The following GNAQ variants were observed in gnomAD, a reference collection of about 807,000 sequenced individuals.
GNAQ encodes guanine nucleotide-binding protein G(q) subunit alpha.
In GNAQ, 8 loss-of-function variants were observed where a neutral mutation model predicts 43.9. The observed-to-expected ratio is 0.18, with a 90% CI of 0.11 to 0.33. The LOEUF (loss-of-function observed/expected upper bound fraction) is 0.33. Among genes scored for constraint, GNAQ ranks in the 10% least tolerant of loss-of-function variants. The probability of loss-of-function intolerance (pLI) is 1.00; values close to 1 mark genes in which losing one functional copy is unlikely to be tolerated. For missense variants in GNAQ, 158 were observed against 450.8 expected (o/e 0.35, Z 5.88); for synonymous variants, 155 against 170.7 (o/e 0.91, Z 0.71).
chr9:78,018,377 G>A (rs935955677), intron 1 of GNAQ, among the ~76,000 whole-genome samples: 71 of 152,036 alleles, frequency 4.7e-4, no homozygotes, highest in African/African-American at 1.7e-3. Flanking sequence ...AAAGAGCATG[G>A]TTCTTAGTTT....
intron 1 of GNAQ, among the ~76,000 whole-genome samples, chr9:77,966,813 A>C (rs865811288): frequency 2.0e-5 from 3 of 152,198 alleles, no homozygotes; most frequent in Non-Finnish European, 4.4e-5. Flanking sequence ...GGACCTCTCC[A>C]TTCTTCAACA....
At chr9:78,021,405 T>C (rs1276733006) in intron 1 of GNAQ, among the ~76,000 whole-genome samples, 1 of 152,230 alleles carries the variant, frequency 6.6e-6, no homozygotes, top group African/African-American at 2.4e-5. Context: ...AGATATATTT[T>C]AAGGCAAAAA....
intron 2 of GNAQ, among the ~76,000 whole-genome samples, chr9:77,909,930 A>T (rs1269951090): frequency 1.3e-5 from 2 of 152,166 alleles, no homozygotes; most frequent in Non-Finnish European, 2.9e-5. Flanking sequence ...TCATTTTTTA[A>T]AGTGCATTTC....
intron 1 of GNAQ, among the ~76,000 whole-genome samples, chr9:77,998,604 G>C (rs1430208806): frequency 1.3e-5 from 2 of 152,158 alleles, no homozygotes; most frequent in African/African-American, 4.8e-5. Context: ...GATACATGTA[G>C]TTACTTAGAA....
At chr9:77,725,134 T>C (rs1825378560) in intron 6 of GNAQ, among the ~76,000 whole-genome samples, 1 of 152,080 alleles carries the variant, frequency 6.6e-6, no homozygotes, top group Non-Finnish European at 1.5e-5. Flanking sequence ...AGATCCAAGT[T>C]CACTGAAGTG....
At chr9:78,004,122 T>C (rs1401960105) in intron 1 of GNAQ, among the ~76,000 whole-genome samples, 1 of 151,912 alleles carries the variant, frequency 6.6e-6, no homozygotes, top group East Asian at 1.9e-4. Flanking sequence ...CTGAGGACTT[T>C]TCTCCAAGGT....
intron 5 of GNAQ, among the ~76,000 whole-genome samples, chr9:77,762,368 C>A (rs1826053363): frequency 7.1e-6 from 1 of 141,028 alleles, no homozygotes; most frequent in African/African-American, 2.7e-5. Flanking sequence ...CCGGCCGCCC[C>A]TACTGGGAAG....
At chr9:77,838,713 C>T (rs1452531871) in intron 2 of GNAQ, among the ~76,000 whole-genome samples, 2 of 151,998 alleles carry the variant, frequency 1.3e-5, no homozygotes, top group African/African-American at 4.8e-5. Context: ...CCACCGTGCC[C>T]GGCCACAAGA....
At chr9:77,892,762 T>C (rs1828425606) in intron 2 of GNAQ, among the ~76,000 whole-genome samples, 1 of 152,294 alleles carries the variant, frequency 6.6e-6, no homozygotes, top group African/African-American at 2.4e-5. Flanking sequence ...CAGATAAGAA[T>C]CTATGAGGAG....
At chr9:78,030,921 C>G (rs1033506598) in intron 1 of GNAQ, among the ~76,000 whole-genome samples, 179 bp downstream of exon 1, 692 of 117,282 alleles carry the variant, frequency 5.9e-3, no homozygotes, top group Non-Finnish European at 8.2e-3. Context: ...GTGTGTGTGT[C>G]TGTGTGTAAC....
chr9:77,835,068 A>C (rs78388953), intron 2 of GNAQ, among the ~76,000 whole-genome samples: 2,125 of 152,196 alleles, frequency 0.014, 51 homozygotes, highest in African/African-American at 0.048. Context: ...TTTCCTATAC[A>C]TACGTAACTG....
At chr9:77,788,358 A>G (rs758007030) in intron 5 of GNAQ, among the ~76,000 whole-genome samples, 4 of 152,220 alleles carry the variant, frequency 2.6e-5, no homozygotes, top group Non-Finnish European at 4.4e-5. Flanking sequence ...GTGTAGCAAC[A>G]TGAAAAAAAA....
At chr9:77,921,882 C>T (rs948810021) in intron 2 of GNAQ, among the ~76,000 whole-genome samples, 1 of 152,148 alleles carries the variant, frequency 6.6e-6, no homozygotes, top group African/African-American at 2.4e-5. Flanking sequence ...AAATTTTAAA[C>T]CTGAAAATAT....
intron 2 of GNAQ, among the ~76,000 whole-genome samples, chr9:77,896,903 TA>T (rs1320708029): frequency 1.3e-5 from 2 of 152,256 alleles, no homozygotes; most frequent in Non-Finnish European, 2.9e-5. Flanking sequence ...CTATTTGTCA[TA>T]AAAGAGGAAA....
intron 5 of GNAQ, among the ~76,000 whole-genome samples, chr9:77,732,614 C>T (rs1055570283): frequency 1.3e-5 from 2 of 152,152 alleles, no homozygotes; most frequent in Admixed American, 6.5e-5. Context: ...GATCTGCCTG[C>T]CTTGGCCTCC....
chr9:77,954,482 CA>C (rs1389727373), intron 1 of GNAQ, among the ~76,000 whole-genome samples: 1 of 152,184 alleles, frequency 6.6e-6, no homozygotes, highest in African/African-American at 2.4e-5. Flanking sequence ...CTTGATAAAA[CA>C]GGAGAACGAT....
intron 1 of GNAQ, among the ~76,000 whole-genome samples, chr9:78,028,889 T>C (rs753060986): frequency 1.3e-5 from 2 of 150,976 alleles, no homozygotes; most frequent in African/African-American, 2.4e-5. Flanking sequence ...ACAGAAATAG[T>C]GTAAGTATTG....
At chr9:77,889,447 A>AAAAAAAAAAAAAAT (rs1828366462) in intron 2 of GNAQ, among the ~76,000 whole-genome samples, 1 of 135,098 alleles carries the variant, frequency 7.4e-6, no homozygotes, top group Non-Finnish European at 1.6e-5. Flanking sequence ...AAAAAAAAAA[A>AAAAAAAAAAAAAAT]ATCCTTAATC....
At chr9:77,968,780 G>T (rs1324747482) in intron 1 of GNAQ, among the ~76,000 whole-genome samples, 1 of 152,168 alleles carries the variant, frequency 6.6e-6, no homozygotes, top group African/African-American at 2.4e-5. Flanking sequence ...ATTATGCCGG[G>T]GCTCTTAAAG....
Sources: allele counts gnomAD v4.1 joint callset (sites outside exome capture counted in the v4.1 genomes callset), GRCh38; gene constraint gnomAD v4.1.1; transcripts MANE v1.5; gene names NCBI Gene and HGNC (gene_info 2026-07-23, HGNC 2026-07-21).